PCGF5: variants seen among roughly 807,000 people sequenced by gnomAD.
PCGF5 encodes the protein polycomb group RING finger protein 5.
In PCGF5, 9 loss-of-function variants were observed where a neutral mutation model predicts 44.3. That is an observed-to-expected ratio of 0.20 (90% CI 0.12 to 0.35). PCGF5 has a LOEUF of 0.35. PCGF5 is among the 10% of genes least tolerant of loss of function. The probability of loss-of-function intolerance (pLI) is 1.00; values close to 1 mark genes in which losing one functional copy is unlikely to be tolerated. For synonymous variants in PCGF5, 95 were observed against 102.5 expected, an observed-to-expected ratio of 0.93 and a Z score of 0.44; for missense variants, 146 against 305.3, an observed-to-expected ratio of 0.48 and a Z score of 3.89.
chr10:91,223,380 A>G lies in PCGF5; in HGVS notation c.112+397A>G, dbSNP rs537004486. Among the ~76,000 whole-genome samples the G allele has an allele frequency of 3.3e-3, 500 of 152,304 alleles. 2 individuals carry two copies. The highest frequency in any genetic ancestry group is 6.2e-3 in the Non-Finnish European group (424 of 68,024). ...GTGTGATTCCTAGACTAGCAGCACC[A>G]GTGTCATTGCAAGTTCTAGGAACTT... On this transcript the variant is annotated intron_variant, in intron 2 of 9. Transcript: ENST00000336126.
chr10:91,222,829 C>T lies in PCGF5; in HGVS notation c.-43C>T, dbSNP rs778933285. On this transcript the variant is annotated 5_prime_UTR_variant, in exon 2 of 10. Transcript: ENST00000336126. ...ATCAGACTTTCATCTACTTAGGACC[C>T]CTCTTTGCCCAGACTACTAAAGCCA... 9 of 1,203,782 alleles carry T rather than the reference C, an allele frequency of 7.5e-6. No individual in the cohort carries two copies. Among genetic ancestry groups the T allele is most frequent in the South Asian group, 1.2e-5 (1 of 82,084 alleles). 74.6% of individuals were successfully genotyped at this position (1,203,782 alleles called of 1,614,324 possible). A position where few individuals can be genotyped will look rare whatever the true frequency, so the allele number is the denominator to read the frequency against.
At chr10:91,177,878 C>T (rs1332543450) in intron 1 of PCGF5, among the ~76,000 whole-genome samples, 1 of 152,232 alleles carries the variant, frequency 6.6e-6, no homozygotes, top group Non-Finnish European at 1.5e-5. Flanking sequence ...CCTCTCCCTG[C>T]TTCAGCTCAC....
upstream of PCGF5, among the ~76,000 whole-genome samples, chr10:91,216,508 T>A (rs1050350358): frequency 6.6e-6 from 1 of 151,966 alleles, no homozygotes; most frequent in Non-Finnish European, 1.5e-5. Flanking sequence ...AGAAATGAGG[T>A]TTTTTAAAGC....
rs560334651 is a variant in PCGF5 at position 91,195,027 on chromosome 10, C to T, written c.-183-27662C>T. ...GATGTGGTGAGAGTGTGTGTGAGTT[C>T]TCTTCTGATGACTCAGTTTTCTCAG... On this transcript the variant is annotated intron_variant, in intron 1 of 9. Transcript: ENST00000614189. Among the ~76,000 whole-genome samples, 37 of 152,028 alleles carry T rather than the reference C, an allele frequency of 2.4e-4. No homozygotes were observed. The South Asian group carries it at 2.9e-3, about 12-fold the overall frequency.
chr10:91,241,466 TAAGG>T (rs1845325056), intron 3 of PCGF5, among the ~76,000 whole-genome samples: 1 of 152,096 alleles, frequency 6.6e-6, no homozygotes, highest in African/African-American at 2.4e-5. Context: ...TGACTTGACT[TAAGG>T]TTTCACAGAA....
At position 91,283,312 on chromosome 10, in the gene PCGF5, G is replaced by T. The variant is rs1445331809; in HGVS notation, c.*4996G>T. On this transcript the variant is annotated 3_prime_UTR_variant, in exon 10 of 10. Transcript: ENST00000336126. ...TTATTTTAAATGCTCATTCAAATGT[G>T]TCTGTATACTTGCTATGCCCCTTTT... 1 of 152,152 alleles carries T rather than the reference G, an allele frequency of 6.6e-6. No individual in the cohort carries two copies. Among genetic ancestry groups the T allele is most frequent in the Non-Finnish European group, 1.5e-5 (1 of 68,030 alleles). 9.4% of individuals were successfully genotyped at this position (152,152 alleles called of 1,614,324 possible).
intron 2 of PCGF5, among the ~76,000 whole-genome samples, chr10:91,224,424 A>G (rs1844761884): frequency 6.6e-6 from 1 of 152,208 alleles, no homozygotes; most frequent in Non-Finnish European, 1.5e-5. Context: ...CTGGGGCATG[A>G]GATAATAAAG....
chr10:91,251,799 C>A (rs181106345), intron 6 of PCGF5, among the ~76,000 whole-genome samples: 2 of 152,094 alleles, frequency 1.3e-5, no homozygotes, highest in East Asian at 1.9e-4. Context: ...TCATTCTCTT[C>A]TAATTTTATC....
chr10:91,178,438 G>A (rs1177445447), intron 1 of PCGF5, among the ~76,000 whole-genome samples: 2 of 149,674 alleles, frequency 1.3e-5, no homozygotes, highest in Non-Finnish European at 3.0e-5. Context: ...TGCCCAGGCT[G>A]GAGTGCAGTG....
upstream of PCGF5, among the ~76,000 whole-genome samples, chr10:91,162,031 C>T (rs998671282): frequency 6.6e-6 from 1 of 152,010 alleles, no homozygotes; most frequent in East Asian, 1.9e-4. Flanking sequence ...GCTACAGGAG[C>T]TGAGTCCAAC....
chr10:91,218,997 T>A (rs907063891), upstream of PCGF5, among the ~76,000 whole-genome samples: 1 of 152,164 alleles, frequency 6.6e-6, no homozygotes, highest in Non-Finnish European at 1.5e-5. Context: ...TATGTGTGCA[T>A]TTTTTTAAAT....
chr10:91,205,966 G>C (rs1358210388), intron 1 of PCGF5, among the ~76,000 whole-genome samples: 1 of 152,106 alleles, frequency 6.6e-6, no homozygotes, highest in Non-Finnish European at 1.5e-5. Context: ...AGGTTTCAGT[G>C]AGCTGAGATC....
intron 1 of PCGF5, among the ~76,000 whole-genome samples, chr10:91,163,582 C>T (rs1227269477): frequency 6.6e-6 from 1 of 152,124 alleles, no homozygotes; most frequent in Non-Finnish European, 1.5e-5. Flanking sequence ...AGCCGCGCGC[C>T]CCGGCGCCTA....
At chr10:91,200,149 G>T in intron 1 of PCGF5, among the ~76,000 whole-genome samples, 1 of 152,152 alleles carries the variant, frequency 6.6e-6, no homozygotes, top group East Asian at 1.9e-4. Flanking sequence ...TGTGGGAGAG[G>T]GCCCAGCCTG....
At chr10:91,246,934 T>C (rs1201970126) in intron 3 of PCGF5, among the ~76,000 whole-genome samples, 4 of 151,236 alleles carry the variant, frequency 2.6e-5, no homozygotes, top group Non-Finnish European at 1.5e-5. Context: ...AGATGTGATA[T>C]ATAGTCAGGC....
chr10:91,162,866 CCCGCCGCCGCCAGCGCCG>C (rs1267444931), upstream of PCGF5: 4 of 149,408 alleles, frequency 2.7e-5, no homozygotes, highest in East Asian at 2.0e-4. Context: ...TCGCCCCGCG[CCCGCCGCCGCCAGCGCCG>C]CCGCCGCCGC....
intron 8 of PCGF5, among the ~76,000 whole-genome samples, chr10:91,267,867 T>G (rs1260998148): frequency 2.0e-5 from 3 of 152,212 alleles, no homozygotes; most frequent in Non-Finnish European, 4.4e-5. Flanking sequence ...TGGAGTCAGC[T>G]TATTTCCTAA....
At chr10:91,230,239 T>C (rs1352339404) in intron 2 of PCGF5, among the ~76,000 whole-genome samples, 1 of 152,162 alleles carries the variant, frequency 6.6e-6, no homozygotes, top group Non-Finnish European at 1.5e-5. Flanking sequence ...GGAACTGATA[T>C]CAGGGTTGGG....
intron 1 of PCGF5, among the ~76,000 whole-genome samples, chr10:91,193,133 T>C (rs1268937607): frequency 1.3e-5 from 2 of 152,192 alleles, no homozygotes; most frequent in African/African-American, 2.4e-5. Flanking sequence ...AAGGAAGGCA[T>C]GTAGCCTTGA....
Sources: gnomAD v4.1 joint callset for allele counts (sites outside exome capture counted in the v4.1 genomes callset) on GRCh38, gnomAD v4.1.1 for gene constraint, MANE v1.5 for transcripts, NCBI Gene and HGNC (gene_info 2026-07-23, HGNC 2026-07-21) for gene names.